Variants in SLC9D1 observed in about 807,000 individuals in gnomAD.
SLC9D1 encodes putative LAG1-interacting protein.
the SLC9D1 span, among the ~76,000 whole-genome samples, chr13:113,521,314 G>T: frequency 6.8e-6 from 1 of 147,906 alleles, no homozygotes; most frequent in East Asian, 2.0e-4. Flanking sequence ...ATATCTGTGT[G>T]TTTGCATGTG....
chr13:113,546,451 G>A, the SLC9D1 span, among the ~76,000 whole-genome samples: 25 of 152,298 alleles, frequency 1.6e-4, no homozygotes, highest in Non-Finnish European at 2.9e-4. This position sits in a 1 kb window ranked among gnomAD's most constrained non-coding sequence, Gnocchi z 7.1. Context: ...GCCGTGGCTA[G>A]AAGACTGGGT....
At chr13:113,492,548 AT>A in the SLC9D1 span, among the ~76,000 whole-genome samples, 10 of 151,994 alleles carry the variant, frequency 6.6e-5, no homozygotes, top group African/African-American at 1.9e-4. Context: ...TAAAATTGAG[AT>A]TTTTTTTCAC....
the SLC9D1 span, among the ~76,000 whole-genome samples, chr13:113,547,912 A>G: frequency 5.0e-5 from 5 of 100,752 alleles, no homozygotes; most frequent in South Asian, 2.6e-4. Context: ...ACTCGGCCCA[A>G]AGACACACCA....
chr13:113,501,658 G>A, the SLC9D1 span: 12 of 940,312 alleles, frequency 1.3e-5, no homozygotes, highest in African/African-American at 1.0e-4. Flanking sequence ...AGGTGAAATC[G>A]GGGAACTACG....
the SLC9D1 span, chr13:113,500,066 C>T: frequency 4.1e-5 from 65 of 1,597,148 alleles, no homozygotes; most frequent in Non-Finnish European, 5.3e-5. Flanking sequence ...TCTTAGCATG[C>T]TGATTGACTC....
the SLC9D1 span, among the ~76,000 whole-genome samples, chr13:113,508,231 A>G: frequency 6.6e-6 from 1 of 152,234 alleles, no homozygotes; most frequent in Admixed American, 6.5e-5. Context: ...CTCTATAGAA[A>G]CTAAAGCTAG....
At chr13:113,505,629 G>A in the SLC9D1 span, 3 of 152,212 alleles carry the variant, frequency 2.0e-5, no homozygotes, top group Non-Finnish European at 4.4e-5. Flanking sequence ...GGGAAAAATG[G>A]GAAAGAAGCG....
the SLC9D1 span, chr13:113,548,424 C>T: frequency 9.9e-6 from 16 of 1,611,000 alleles, no homozygotes; most frequent in South Asian, 5.5e-5. Context: ...GGGAGCCGGG[C>T]GCGAAGAGCG....
At chr13:113,547,623 T>G in the SLC9D1 span, among the ~76,000 whole-genome samples, 1 of 152,194 alleles carries the variant, frequency 6.6e-6, no homozygotes, top group East Asian at 1.9e-4. Context: ...GGAACTAACC[T>G]TTTGGGACCC....
the SLC9D1 span, among the ~76,000 whole-genome samples, chr13:113,526,928 A>G: frequency 6.6e-6 from 1 of 152,212 alleles, no homozygotes; most frequent in Non-Finnish European, 1.5e-5. Context: ...AATACTTATC[A>G]TTGTGTTACA....
chr13:113,532,868 T>A, the SLC9D1 span, among the ~76,000 whole-genome samples: 7 of 103,860 alleles, frequency 6.7e-5, no homozygotes, highest in South Asian at 2.6e-3. Flanking sequence ...TGCAGCGAGC[T>A]CTGAAGGACG....
chr13:113,524,773 G>A, the SLC9D1 span, among the ~76,000 whole-genome samples: 1 of 151,678 alleles, frequency 6.6e-6, no homozygotes, highest in East Asian at 1.9e-4. Context: ...TTATGCCCTT[G>A]TATTTGAAGT....
chr13:113,539,592 A>G, the SLC9D1 span: 2 of 1,384,714 alleles, frequency 1.4e-6, no homozygotes, highest in Non-Finnish European at 2.0e-6. This position sits in a 1 kb window ranked among gnomAD's most constrained non-coding sequence, Gnocchi z 4.8. Context: ...ATATATATTT[A>G]TATAGCAAAA....
the SLC9D1 span, among the ~76,000 whole-genome samples, chr13:113,520,312 C>T: frequency 7.2e-5 from 11 of 151,850 alleles, no homozygotes; most frequent in African/African-American, 2.2e-4. Context: ...GGTGAAACCC[C>T]GTCTCTACTA....
At chr13:113,507,451 T>G in the SLC9D1 span, among the ~76,000 whole-genome samples, 5 of 152,322 alleles carry the variant, frequency 3.3e-5, no homozygotes, top group Admixed American at 6.5e-5. Context: ...ACCACACTTA[T>G]GGGTGGGAAA....
chr13:113,534,579 A>C, the SLC9D1 span: 1 of 336,586 alleles, frequency 3.0e-6, no homozygotes, highest in Non-Finnish European at 5.3e-6. Flanking sequence ...ACTTGAGCTC[A>C]GAAGTTTGGG....
the SLC9D1 span, among the ~76,000 whole-genome samples, chr13:113,496,784 T>C: frequency 2.2e-4 from 34 of 152,336 alleles, 1 homozygote; most frequent in African/African-American, 7.5e-4. Flanking sequence ...CAGGCAAATG[T>C]ATAAATCAAG....
chr13:113,509,591 A>C, the SLC9D1 span, among the ~76,000 whole-genome samples: 1 of 152,154 alleles, frequency 6.6e-6, no homozygotes. Flanking sequence ...CTTTCTGTAG[A>C]GGGCCTGGAA....
chr13:113,517,419 G>T, the SLC9D1 span, among the ~76,000 whole-genome samples: 32 of 152,170 alleles, frequency 2.1e-4, no homozygotes, highest in African/African-American at 6.7e-4. Context: ...TAGTAGAGAC[G>T]GGGTTTCACC....
Sources: allele counts gnomAD v4.1 joint callset (sites outside exome capture counted in the v4.1 genomes callset), GRCh38; gene constraint gnomAD v4.1.1; non-coding constraint Gnocchi (gnomAD v3.1); transcripts MANE v1.5; gene names NCBI Gene and HGNC (gene_info 2026-07-23, HGNC 2026-07-21).